WTIP: variants seen among roughly 807,000 people sequenced by gnomAD.
The protein encoded by WTIP is Wilms tumor protein 1-interacting protein.
WTIP carries 23 observed loss-of-function variants against 41.7 expected under a neutral mutation model. The ratio of observed to expected loss-of-function variants is 0.55; its 90% CI spans 0.40 to 0.78. The LOEUF (loss-of-function observed/expected upper bound fraction) is 0.78, where lower values mean the gene tolerates loss of function less well. WTIP is among the 30% of genes least tolerant of loss of function. WTIP has a pLI of 0.00. For missense variants in WTIP, 619 were observed against 610.5 expected (o/e 1.01, Z -0.15); for synonymous variants, 314 against 269.9 (o/e 1.16, Z -1.60).
At chr19:34,484,217 G>T (rs779767778) in intron 1 of WTIP, among the ~76,000 whole-genome samples, 1 of 152,244 alleles carries the variant, frequency 6.6e-6, no homozygotes, top group East Asian at 1.9e-4. Flanking sequence ...GAGCCACCGT[G>T]CCCGGCCCTG....
intron 1 of WTIP, among the ~76,000 whole-genome samples, chr19:34,489,320 C>T (rs1409784632): frequency 6.6e-6 from 1 of 151,318 alleles, no homozygotes; most frequent in African/African-American, 2.4e-5. Context: ...AAGGTGGGGA[C>T]CTGGGTGCAT....
chr19:34,482,012 T>C lies in WTIP; in HGVS notation c.38T>C (p.Leu13Pro). The change falls in exon 1 of 8, where the codon CTA becomes CCA. Residue 13 changes from leucine to proline, a missense_variant. By Grantham distance (98) the Leu-to-Pro change is moderately conservative. Transcript: ENST00000590071. ...RSRAGADEAALLLAGLALREL... is the reference protein window; with the variant it reads ...RSRAGADEAAPLLAGLALREL... The stretch of plus-strand genomic sequence containing the variant: ...AGGGCGGGCGCGGACGAGGCGGCCC[T>C]ACTCCTGGCCGGGCTGGCCCTGCGG... 1 of 1,020,972 alleles carries C rather than the reference T, an allele frequency of 9.8e-7. No individual in the cohort carries two copies. The allele number at this position is 1,020,972 out of a possible 1,614,324, so 63.2% of individuals were successfully genotyped here. A position where few individuals can be genotyped will look rare whatever the true frequency, so the allele number is the denominator to read the frequency against.
intron 7 of WTIP, chr19:34,498,534 C>T (rs1040722671): frequency 6.6e-6 from 1 of 152,358 alleles, no homozygotes; most frequent in Non-Finnish European, 1.5e-5. Context: ...ATGGAAGGTT[C>T]TGCTGTTTGC....
At chr19:34,486,364 G>GTT (rs753046388) in intron 1 of WTIP, among the ~76,000 whole-genome samples, 33 of 148,132 alleles carry the variant, frequency 2.2e-4, no homozygotes, top group Admixed American at 8.2e-4. Context: ...GCCTTTGTCA[G>GTT]TTTGTTTTTT....
At position 34,493,110 on chromosome 19, in the gene WTIP, T is replaced by TC. The variant is rs549389441; in HGVS notation, c.837+8dup. On this transcript the variant is annotated splice_region_variant and intron_variant, in intron 3 of 7. Transcript: ENST00000590071. This position sits in a 1 kb window ranked among gnomAD's most constrained non-coding sequence, Gnocchi z 4.1. ...ACTGCCAGGAGGACTTCCTGGTGAG[T>TC]CCAAGCTGTGCCCTGGCAGTGCCAG... 8.2e-4 allele frequency: 1,319 copies of TC among 1,613,604 alleles called. 13 individuals are homozygous for TC. Among genetic ancestry groups the TC allele is most frequent in the Middle Eastern group, 1.8e-3 (11 of 6,062 alleles).
At chr19:34,490,140 A>T (rs557760831) in intron 1 of WTIP, among the ~76,000 whole-genome samples, 4 of 152,110 alleles carry the variant, frequency 2.6e-5, no homozygotes, top group Non-Finnish European at 5.9e-5. Flanking sequence ...ATTAGCTCCG[A>T]CTCTGCCCTG....
intron 2 of WTIP, among the ~76,000 whole-genome samples, chr19:34,492,107 CTTTT>C (rs71165662): frequency 2.0e-4 from 20 of 100,550 alleles, no homozygotes; most frequent in Non-Finnish European, 3.4e-4. Context: ...TGTTCAATGT[CTTTT>C]TTTTTTTTTT....
chr19:34,482,226 G>A lies in WTIP; in HGVS notation c.252G>A (p.Gln84=), dbSNP rs2075770930. The part of the protein sequence containing the change: ...RRAAVPELSA[Q]PAGSPRASLA... ...CGGCGGTTCCGGAGCTCAGCGCGCA[G>A]CCTGCGGGCAGCCCACGGGCCAGCC... Residue 84 remains glutamine (Q), a synonymous_variant, in exon 1 of 8, where the codon CAG becomes CAA. Coordinates refer to ENST00000590071, the MANE Select transcript of WTIP (RefSeq NM_001080436.2). The A allele has an allele frequency of 1.7e-6, 2 of 1,169,714 alleles. No individual in the cohort carries two copies. Among genetic ancestry groups the A allele is most frequent in the Admixed American group, 4.8e-5 (1 of 20,828 alleles). The allele number at this position is 1,169,714 out of a possible 1,614,324, so 72.5% of individuals were successfully genotyped here. A position where few individuals can be genotyped will look rare whatever the true frequency, so the allele number is the denominator to read the frequency against.
chr19:34,488,918 C>A (rs571993405), intron 1 of WTIP, among the ~76,000 whole-genome samples: 2,202 of 126,064 alleles, frequency 0.017, 28 homozygotes, highest in Non-Finnish European at 0.025. Flanking sequence ...AAAAAAAAGG[C>A]CGGGAGCAGT....
intron 2 of WTIP, among the ~76,000 whole-genome samples, chr19:34,491,227 CA>C (rs1568399193): frequency 6.6e-6 from 1 of 152,122 alleles, no homozygotes; most frequent in East Asian, 1.9e-4. Flanking sequence ...AACTATAATC[CA>C]ACCACCCTAA....
intron 1 of WTIP, among the ~76,000 whole-genome samples, chr19:34,487,668 G>A (rs1242291818): frequency 1.3e-5 from 2 of 152,236 alleles, no homozygotes; most frequent in Admixed American, 1.3e-4. Flanking sequence ...GAGGAAAGGC[G>A]GGGAATGGGG....
intron 1 of WTIP, among the ~76,000 whole-genome samples, chr19:34,487,383 T>G (rs1395452472): frequency 6.6e-6 from 1 of 152,202 alleles, no homozygotes; most frequent in African/African-American, 2.4e-5. Flanking sequence ...ATTACAGGCG[T>G]GAGCCACTGC....
Position 34,512,001 on chromosome 19 carries a change from T to C in WTIP, c.*11732T>C, listed in dbSNP as rs2075934885. 1 of 152,254 alleles carries C rather than the reference T, an allele frequency of 6.6e-6. No homozygotes were observed. The highest frequency in any genetic ancestry group is 1.5e-5 in the Non-Finnish European group (1 of 68,038). The allele number at this position is 152,254 out of a possible 1,614,324, so 9.4% of individuals were successfully genotyped here. On this transcript the variant is annotated 3_prime_UTR_variant, in exon 8 of 8. Coordinates refer to ENST00000590071, the MANE Select transcript of WTIP (RefSeq NM_001080436.2). ...TTGAGTCCTGGCTTTGAGGGTCTGG[T>C]GCGTTTCCTCCATTCACTGAAGTTT...
chr19:34,482,065 G>A lies in WTIP; in HGVS notation c.91G>A (p.Gly31Ser). The A allele has an allele frequency of 1.9e-6, 2 of 1,034,720 alleles. No individual in the cohort carries two copies. Among genetic ancestry groups the A allele is most frequent in the Non-Finnish European group, 2.3e-6 (2 of 863,332 alleles). 64.1% of individuals were successfully genotyped at this position (1,034,720 alleles called of 1,614,324 possible). A position where few individuals can be genotyped will look rare whatever the true frequency, so the allele number is the denominator to read the frequency against. Reference protein sequence around the residue: ...RELEPGCGSPGRGRRGPRPGP... With the variant: ...RELEPGCGSPSRGRRGPRPGP... ...GCTGGAGCCCGGGTGCGGCTCTCCC[G>A]GTCGGGGGCGGCGGGGGCCGCGGCC... Residue 31 changes from glycine to serine, a missense_variant, in exon 1 of 8, where the codon GGT becomes AGT. Transcript: ENST00000590071.
At chr19:34,489,580 A>G (rs1568398368) in intron 1 of WTIP, among the ~76,000 whole-genome samples, 1 of 151,984 alleles carries the variant, frequency 6.6e-6, no homozygotes, top group Non-Finnish European at 1.5e-5. Flanking sequence ...AAACAGCATG[A>G]AGGATTTTCC....
In WTIP at chr19:34,482,286, C is replaced by G; in HGVS notation, c.312C>G (p.Ser104Arg). 1 of 1,333,676 alleles carries G rather than the reference C, an allele frequency of 7.5e-7. No individual in the cohort carries two copies. Among genetic ancestry groups the G allele is most frequent in the Non-Finnish European group, 9.7e-7 (1 of 1,034,352 alleles). 82.6% of individuals were successfully genotyped at this position (1,333,676 alleles called of 1,614,324 possible). A position where few individuals can be genotyped will look rare whatever the true frequency, so the allele number is the denominator to read the frequency against. Reference sequence around the variant, plus strand: ...CCGACGGCGGCGGCGGTGGCGGCAGCGCCCGATCCAGCGGCATCAGCCTGG... The same window carrying G: ...CCGACGGCGGCGGCGGTGGCGGCAGGGCCCGATCCAGCGGCATCAGCCTGG... ...AGSDGGGGGG[S>R]ARSSGISLGY... The change falls in exon 1 of 8, where the codon AGC (serine) becomes AGG (arginine). Residue 104 changes from serine (S) to arginine (R), a missense_variant. Coordinates refer to ENST00000590071, the MANE Select transcript of WTIP (RefSeq NM_001080436.2).
At chr19:34,484,346 C>G (rs1037347840) in intron 1 of WTIP, among the ~76,000 whole-genome samples, 1 of 152,250 alleles carries the variant, frequency 6.6e-6, no homozygotes, top group East Asian at 1.9e-4. Context: ...GCTCTTCCCC[C>G]TGGGGTTGCA....
At position 34,481,941 on chromosome 19, in the gene WTIP, C is replaced by A. The variant is rs2075768490; in HGVS notation, c.-34C>A. 3.0e-6 allele frequency: 3 copies of A among 990,306 alleles called. No homozygotes were observed. In the South Asian group the frequency reaches 1.4e-4, roughly 45 times the overall value. The allele number at this position is 990,306 out of a possible 1,614,324, so 61.3% of individuals were successfully genotyped here. A position where few individuals can be genotyped will look rare whatever the true frequency, so the allele number is the denominator to read the frequency against. The stretch of plus-strand genomic sequence containing the variant: ...CCGGAGCGGCGGCGGGAAGCGGAGG[C>A]GGAGGTGACGCGCCAGGGCCGGCGG... On this transcript the variant is annotated 5_prime_UTR_variant, in exon 1 of 8. Coordinates refer to ENST00000590071, the MANE Select transcript of WTIP (RefSeq NM_001080436.2).
intron 2 of WTIP, among the ~76,000 whole-genome samples, chr19:34,492,281 ATT>A (rs1241692613): frequency 7.1e-6 from 1 of 140,932 alleles, no homozygotes; most frequent in Admixed American, 7.1e-5. Flanking sequence ...CGACTGGCTA[ATT>A]TTTTTTTTTT....
Sources: gnomAD v4.1 joint callset for allele counts (sites outside exome capture counted in the v4.1 genomes callset) on GRCh38, gnomAD v4.1.1 for gene constraint, Gnocchi (gnomAD v3.1) non-coding constraint, MANE v1.5 for transcripts, NCBI Gene and HGNC (gene_info 2026-07-23, HGNC 2026-07-21) for gene names.